PPARGC1A: variants seen among roughly 807,000 people sequenced by gnomAD.
PPARGC1A encodes PPARG coactivator 1 alpha.
Under a neutral mutation model 88.7 loss-of-function variants are expected in PPARGC1A, and 25 were observed. That is an observed-to-expected ratio of 0.28 (90% CI 0.21 to 0.39). The LOEUF is 0.39. Ranked by LOEUF, PPARGC1A falls within the 10% of genes least tolerant of loss-of-function variation. The probability of loss-of-function intolerance (pLI) is 1.00; values close to 1 mark genes in which losing one functional copy is unlikely to be tolerated. For synonymous variants in PPARGC1A, 363 were observed against 355.6 expected, an observed-to-expected ratio of 1.02 and a Z score of -0.24; for missense variants, 880 against 968.7, an observed-to-expected ratio of 0.91 and a Z score of 1.22.
the PPARGC1A span, among the ~76,000 whole-genome samples, chr4:23,976,460 CT>C: frequency 1.3e-5 from 2 of 152,192 alleles, no homozygotes; most frequent in Admixed American, 1.3e-4. Flanking sequence ...TTGATGATAT[CT>C]TTTCATACGA....
At chr4:24,107,349 A>G in the PPARGC1A span, among the ~76,000 whole-genome samples, 1 of 152,222 alleles carries the variant, frequency 6.6e-6, no homozygotes, top group Non-Finnish European at 1.5e-5. Flanking sequence ...AGTAGCTCTG[A>G]AGATGAATAA....
At chr4:23,930,492 CAAT>C in the PPARGC1A span, among the ~76,000 whole-genome samples, 3 of 152,022 alleles carry the variant, frequency 2.0e-5, no homozygotes, top group African/African-American at 4.8e-5. Flanking sequence ...TTAACAACAA[CAAT>C]GATGACAAAG....
At chr4:24,381,352 T>C in the PPARGC1A span, among the ~76,000 whole-genome samples, 1 of 152,084 alleles carries the variant, frequency 6.6e-6, no homozygotes, top group East Asian at 1.9e-4. Context: ...AACTTAACCA[T>C]GAACTGGGAA....
At chr4:24,347,819 C>A in the PPARGC1A span, among the ~76,000 whole-genome samples, 1 of 151,968 alleles carries the variant, frequency 6.6e-6, no homozygotes, top group East Asian at 1.9e-4. Flanking sequence ...TTCTGTGCTT[C>A]GGTTTTTTTG....
the PPARGC1A span, among the ~76,000 whole-genome samples, chr4:24,246,956 G>A: frequency 1.3e-5 from 2 of 152,018 alleles, no homozygotes; most frequent in African/African-American, 4.8e-5. Context: ...AGCAAAGATT[G>A]CTAGAGCCAC....
chr4:24,063,761 C>T, the PPARGC1A span, among the ~76,000 whole-genome samples: 3 of 152,146 alleles, frequency 2.0e-5, no homozygotes, highest in African/African-American at 7.2e-5. Flanking sequence ...TAATGCATCT[C>T]GACAGTCACC....
At chr4:23,888,552 T>A (rs988942729) in intron 1 of PPARGC1A, among the ~76,000 whole-genome samples, 1 of 152,182 alleles carries the variant, frequency 6.6e-6, no homozygotes, top group Admixed American at 6.5e-5. Flanking sequence ...TCATAATGGC[T>A]ACAGGGCATA....
chr4:24,076,465 A>G, the PPARGC1A span, among the ~76,000 whole-genome samples: 1 of 152,136 alleles, frequency 6.6e-6, no homozygotes, highest in African/African-American at 2.4e-5. Flanking sequence ...CTGATTACCT[A>G]TTTTTAACTC....
chr4:24,247,503 G>C, the PPARGC1A span, among the ~76,000 whole-genome samples: 2 of 152,074 alleles, frequency 1.3e-5, no homozygotes, highest in East Asian at 3.9e-4. Context: ...AGAGTAAAGA[G>C]AATTTTAATT....
At chr4:23,834,287 G>A (rs992482853) in intron 2 of PPARGC1A, among the ~76,000 whole-genome samples, 7 of 151,894 alleles carry the variant, frequency 4.6e-5, no homozygotes, top group Non-Finnish European at 7.4e-5. Flanking sequence ...GCGACACAGC[G>A]AGACTCTGTC....
chr4:24,171,044 A>C, the PPARGC1A span, among the ~76,000 whole-genome samples: 1 of 151,810 alleles, frequency 6.6e-6, no homozygotes, highest in East Asian at 1.9e-4. Context: ...ATACTCACAT[A>C]GCTTTCTCCC....
chr4:24,285,012 G>A, the PPARGC1A span, among the ~76,000 whole-genome samples: 2,423 of 151,856 alleles, frequency 0.016, 30 homozygotes, highest in Non-Finnish European at 0.023. Flanking sequence ...TGGGCAACAG[G>A]GCGAGACTGT....
chr4:24,134,172 G>T, the PPARGC1A span, among the ~76,000 whole-genome samples: 7 of 152,282 alleles, frequency 4.6e-5, no homozygotes, highest in South Asian at 1.5e-3. Flanking sequence ...GCACCATTTT[G>T]CTTTTCATTA....
chr4:23,802,260 T>G lies in PPARGC1A; in HGVS notation c.2105A>C (p.Glu702Ala), dbSNP rs748829429. Residue 702 changes from glutamate to alanine, a missense_variant, in exon 11 of 13, where the codon GAA (glutamate) becomes GCA (alanine). Glu to Ala is a moderately radical substitution (Grantham distance 107). Coordinates refer to ENST00000264867, the MANE Select transcript of PPARGC1A (RefSeq NM_013261.5). ...ELRDRFEVFG[E>A]IEECTVNLRD... Reference sequence around the variant, plus strand: ...CAGATTTACTGTGCACTCCTCAATTTCACCAAAAACTTCAAAACGGTCCCT... The same window carrying G: ...CAGATTTACTGTGCACTCCTCAATTGCACCAAAAACTTCAAAACGGTCCCT... The G allele has an allele frequency of 1.2e-6, 2 of 1,614,022 alleles. No individual in the cohort carries two copies. The highest frequency in any genetic ancestry group is 8.5e-7 in the Non-Finnish European group (1 of 1,179,966).
At chr4:24,314,208 GCATTTCAC>G in the PPARGC1A span, among the ~76,000 whole-genome samples, 1 of 152,210 alleles carries the variant, frequency 6.6e-6, no homozygotes, top group Non-Finnish European at 1.5e-5. Context: ...AACGGACTGA[GCATTTCAC>G]TTTATCTTTG....
chr4:23,841,489 T>G (rs1254577836), intron 2 of PPARGC1A, among the ~76,000 whole-genome samples: 1 of 152,070 alleles, frequency 6.6e-6, no homozygotes, highest in East Asian at 1.9e-4. Context: ...GTCATTTTTT[T>G]TTTTAGAAAA....
At chr4:24,049,172 AAGAG>A in the PPARGC1A span, among the ~76,000 whole-genome samples, 187 of 149,830 alleles carry the variant, frequency 1.2e-3, no homozygotes, top group African/African-American at 3.2e-3. Context: ...AAGAGGGAGA[AAGAG>A]AGAGACTGTC....
chr4:23,988,810 T>A, the PPARGC1A span, among the ~76,000 whole-genome samples: 3 of 149,172 alleles, frequency 2.0e-5, no homozygotes, highest in Admixed American at 2.0e-4. Flanking sequence ...AATAGTATAC[T>A]ATTATACATA....
the PPARGC1A span, among the ~76,000 whole-genome samples, chr4:24,188,156 A>ATCCCAGCACTTTGGGAGGCCGAGGTG: frequency 3.3e-5 from 5 of 151,742 alleles, no homozygotes; most frequent in African/African-American, 1.2e-4. Context: ...GAACTGAGGA[A>ATCCCAGCACTTTGGGAGGCCGAGGTG]GAGCAACACA....
Sources: gnomAD v4.1 joint callset for allele counts (sites outside exome capture counted in the v4.1 genomes callset) on GRCh38, gnomAD v4.1.1 for gene constraint, MANE v1.5 for transcripts, NCBI Gene and HGNC (gene_info 2026-07-23, HGNC 2026-07-21) for gene names.